SLC5A4: variants seen among roughly 807,000 people sequenced by gnomAD.
SLC5A4 encodes the protein probable glucose sensor protein SLC5A4.
Under a neutral mutation model 70.3 loss-of-function variants are expected in SLC5A4, and 55 were observed. That is an observed-to-expected ratio of 0.78 (90% CI 0.63 to 0.98). The LOEUF (loss-of-function observed/expected upper bound fraction) is 0.98, where lower values mean the gene tolerates loss of function less well. SLC5A4 is among the 50% of genes least tolerant of loss of function. The probability of loss-of-function intolerance (pLI) is 0.00; values close to 1 mark genes in which losing one functional copy is unlikely to be tolerated. For missense variants in SLC5A4, 735 were observed against 839.2 expected, an observed-to-expected ratio of 0.88 and a Z score of 1.53; for synonymous variants, 268 against 305.7, an observed-to-expected ratio of 0.88 and a Z score of 1.29.
At chr22:32,225,594 G>A in intron 12 of SLC5A4, 61 bp downstream of exon 12, 2 of 1,111,588 alleles carry the variant, frequency 1.8e-6, no homozygotes, top group Non-Finnish European at 2.6e-6. Flanking sequence ...TGATACCCCA[G>A]TGAAATAAAC....
At chr22:32,337,867 T>C in the SLC5A4 span, among the ~76,000 whole-genome samples, 1 of 152,184 alleles carries the variant, frequency 6.6e-6, no homozygotes, top group Admixed American at 6.5e-5. Context: ...TAGGTAAATG[T>C]AGCAAAAGAA....
intron 9 of SLC5A4, 38 bp from the exon 10 acceptor site, chr22:32,231,113 A>G (rs1211099384): frequency 8.0e-7 from 1 of 1,248,204 alleles, no homozygotes; most frequent in African/African-American, 1.5e-5. Flanking sequence ...ATGAGGCCCA[A>G]ATAGGCAAAA....
At chr22:32,225,357 C>T (rs567317924) in intron 12 of SLC5A4, among the ~76,000 whole-genome samples, 5 of 152,262 alleles carry the variant, frequency 3.3e-5, no homozygotes, top group African/African-American at 1.2e-4. Flanking sequence ...GATCACAATA[C>T]GATTAGGTGG....
chr22:32,327,070 T>G, the SLC5A4 span: 1 of 152,262 alleles, frequency 6.6e-6, no homozygotes, highest in Non-Finnish European at 1.5e-5. Flanking sequence ...TATGTTGTTT[T>G]AAGCTACTGC....
the SLC5A4 span, chr22:32,270,233 C>A: frequency 1.4e-6 from 1 of 690,078 alleles, no homozygotes; most frequent in East Asian, 2.8e-5. Context: ...GGACCCTGCA[C>A]CAATGCTGCC....
At chr22:32,328,470 C>CT in the SLC5A4 span, among the ~76,000 whole-genome samples, 2 of 152,204 alleles carry the variant, frequency 1.3e-5, no homozygotes, top group Admixed American at 1.3e-4. Flanking sequence ...CCAGAGCCCT[C>CT]TTTTTGGGTG....
chr22:32,315,360 T>C, the SLC5A4 span, among the ~76,000 whole-genome samples: 1 of 152,160 alleles, frequency 6.6e-6, no homozygotes, highest in African/African-American at 2.4e-5. Context: ...AACTATGTCA[T>C]ATTCATATAT....
At chr22:32,308,645 G>A in the SLC5A4 span, among the ~76,000 whole-genome samples, 3 of 152,182 alleles carry the variant, frequency 2.0e-5, no homozygotes, top group East Asian at 5.8e-4. Flanking sequence ...GGACACATTT[G>A]AATCTTTCTG....
chr22:32,308,092 G>GACT, the SLC5A4 span, among the ~76,000 whole-genome samples: 1 of 152,020 alleles, frequency 6.6e-6, no homozygotes, highest in Admixed American at 6.6e-5. Flanking sequence ...TACCTACCTA[G>GACT]AGTCACTCTG....
chr22:32,255,125 C>T (rs1927402153), intron 1 of SLC5A4, 70 bp downstream of exon 1: 1 of 1,426,842 alleles, frequency 7.0e-7, no homozygotes, highest in Admixed American at 1.7e-5. Flanking sequence ...ACAACCACAC[C>T]CCTTCCCCCC....
chr22:32,301,436 C>A, the SLC5A4 span, among the ~76,000 whole-genome samples: 1 of 152,158 alleles, frequency 6.6e-6, no homozygotes, highest in African/African-American at 2.4e-5. Context: ...GTTTCATGTA[C>A]TTATTTGCTG....
At chr22:32,301,655 C>T in the SLC5A4 span, among the ~76,000 whole-genome samples, 96,901 of 151,972 alleles carry the variant, frequency 0.64, 31,013 homozygotes, top group East Asian at 0.7. Context: ...TTTGCAAAAA[C>T]TGACAAGCTG....
chr22:32,252,201 G>A (rs1184491563), intron 2 of SLC5A4, among the ~76,000 whole-genome samples: 1 of 149,704 alleles, frequency 6.7e-6, no homozygotes, highest in Non-Finnish European at 1.5e-5. Context: ...CTGCACTCCA[G>A]CCTGGGTGAC....
At chr22:32,225,953 T>A in intron 11 of SLC5A4, 130 bp from the exon 12 acceptor site, 1 of 610,768 alleles carries the variant, frequency 1.6e-6, no homozygotes, top group East Asian at 2.9e-5. Flanking sequence ...TCCTTGATCA[T>A]ACATAAACCC....
the SLC5A4 span, among the ~76,000 whole-genome samples, chr22:32,264,746 A>G: frequency 6.6e-6 from 1 of 152,158 alleles, no homozygotes; most frequent in South Asian, 2.1e-4. Context: ...CAAGCCTAGA[A>G]TTCATATTAA....
chr22:32,229,816 CA>C (rs1925642813), intron 10 of SLC5A4, among the ~76,000 whole-genome samples: 2 of 152,018 alleles, frequency 1.3e-5, no homozygotes, highest in Admixed American at 6.6e-5. Flanking sequence ...GTTTGTAACT[CA>C]AAAAATAAAT....
the SLC5A4 span, among the ~76,000 whole-genome samples, chr22:32,347,243 T>C: frequency 6.6e-6 from 1 of 152,190 alleles, no homozygotes; most frequent in Non-Finnish European, 1.5e-5. Flanking sequence ...AGGAACACTT[T>C]CACACTGTTG....
At chr22:32,326,254 C>T in the SLC5A4 span, among the ~76,000 whole-genome samples, 1 of 150,016 alleles carries the variant, frequency 6.7e-6, no homozygotes, top group Non-Finnish European at 1.5e-5. Context: ...GGGTATGGGG[C>T]TGGGAGCCTT....
the SLC5A4 span, among the ~76,000 whole-genome samples, chr22:32,328,097 A>ACACACACACACAC: frequency 2.7e-4 from 29 of 108,824 alleles, no homozygotes; most frequent in East Asian, 2.6e-3. Context: ...CCAACACACA[A>ACACACACACACAC]ACACACACAC....
Sources: gnomAD v4.1 joint callset for allele counts (sites outside exome capture counted in the v4.1 genomes callset) on GRCh38, gnomAD v4.1.1 for gene constraint, MANE v1.5 for transcripts, NCBI Gene and HGNC (gene_info 2026-07-23, HGNC 2026-07-21) for gene names.